ADD3: variants seen among roughly 807,000 people sequenced by gnomAD.
ADD3 encodes the protein gamma-adducin.
A neutral mutation model predicts 80.2 loss-of-function variants in ADD3; 25 were observed. The observed-to-expected ratio is 0.31, with a 90% confidence interval of 0.23 to 0.44. The LOEUF (loss-of-function observed/expected upper bound fraction) is 0.44. Ranked by LOEUF, ADD3 falls within the 20% of genes least tolerant of loss-of-function variation. The pLI is 1.00. For missense variants in ADD3, 829 were observed against 847.5 expected (o/e 0.98, Z 0.27); for synonymous variants, 284 against 289.6 (o/e 0.98, Z 0.20).
At chr10:110,044,212 A>G (rs1856674511) in intron 1 of ADD3, among the ~76,000 whole-genome samples, 1 of 152,188 alleles carries the variant, frequency 6.6e-6, no homozygotes. Flanking sequence ...AAAAAACAGA[A>G]AACAAAATTC....
At chr10:110,096,736 G>C (rs561670586) in intron 1 of ADD3, among the ~76,000 whole-genome samples, 1 of 152,222 alleles carries the variant, frequency 6.6e-6, no homozygotes, top group South Asian at 2.1e-4. Flanking sequence ...TTTAGTCAAA[G>C]CAAATCACAA....
chr10:110,077,132 T>G (rs1845462914), intron 1 of ADD3: 1 of 152,244 alleles, frequency 6.6e-6, no homozygotes, highest in South Asian at 2.1e-4. Flanking sequence ...AGTAATGGAT[T>G]GTCTATTGTA....
At chr10:110,053,597 C>G (rs887237931) in intron 1 of ADD3, among the ~76,000 whole-genome samples, 2 of 151,900 alleles carry the variant, frequency 1.3e-5, no homozygotes, top group African/African-American at 4.8e-5. Flanking sequence ...TGCTTTTGTT[C>G]ATTTTTTTAA....
chr10:110,012,764 TTTTC>T (rs1852474588), intron 1 of ADD3, among the ~76,000 whole-genome samples: 1 of 152,272 alleles, frequency 6.6e-6, no homozygotes, highest in South Asian at 2.1e-4. Flanking sequence ...TCTTTTTTTT[TTTTC>T]TTCTTTTGTA....
At chr10:110,014,231 G>A (rs1004243485) in intron 1 of ADD3, among the ~76,000 whole-genome samples, 1 of 152,164 alleles carries the variant, frequency 6.6e-6, no homozygotes, top group Non-Finnish European at 1.5e-5. Flanking sequence ...TAGCTGCATC[G>A]TGACTTCTGT....
At chr10:110,048,209 C>T (rs1387755394) in intron 1 of ADD3, among the ~76,000 whole-genome samples, 2 of 152,208 alleles carry the variant, frequency 1.3e-5, no homozygotes, top group South Asian at 2.1e-4. Context: ...TCCCCTTCCA[C>T]CATGATTGTG....
At chr10:110,028,881 C>CTTTT (rs755564434) in intron 1 of ADD3, among the ~76,000 whole-genome samples, 4 of 140,322 alleles carry the variant, frequency 2.9e-5, no homozygotes, top group African/African-American at 1.0e-4. Flanking sequence ...CATCACTTTC[C>CTTTT]TTTTTTTTTT....
At chr10:110,074,944 C>T (rs1003639376) in intron 1 of ADD3, among the ~76,000 whole-genome samples, 8 of 152,172 alleles carry the variant, frequency 5.3e-5, no homozygotes, top group African/African-American at 1.9e-4. Flanking sequence ...AAGATTGGAT[C>T]TGTAAATTTA....
chr10:110,056,051 G>A lies in ADD3; in HGVS notation c.-29-44574G>A, dbSNP rs28628408. ...ATATGTATGAGTTTGTGACCTGAAG[G>A]CTGTTGTATTGCAAGCAGATTTTTA... On this transcript the variant is annotated intron_variant, in intron 1 of 14. Coordinates refer to ENST00000356080, the MANE Select transcript of ADD3 (RefSeq NM_016824.5). Among the ~76,000 whole-genome samples, 713 of 152,258 alleles carry A rather than the reference G, an allele frequency of 4.7e-3. 10 individuals are homozygous for A. The highest frequency in any genetic ancestry group is 0.016 in the African/African-American group (659 of 41,554).
chr10:110,005,343 AGCCACCAC>A (rs1208142264), upstream of ADD3, among the ~76,000 whole-genome samples: 2 of 151,476 alleles, frequency 1.3e-5, no homozygotes, highest in African/African-American at 4.9e-5. Context: ...TACAGGCGTG[AGCCACCAC>A]GCCCGGCAAT....
intron 8 of ADD3, among the ~76,000 whole-genome samples, chr10:110,120,626 C>T (rs1232840591): frequency 6.6e-6 from 1 of 152,052 alleles, no homozygotes; most frequent in East Asian, 1.9e-4. Context: ...ATTTCTAGTT[C>T]AAGATCCCTG....
At chr10:110,109,565 T>C (rs1355457432) in intron 2 of ADD3, among the ~76,000 whole-genome samples, 9 of 152,208 alleles carry the variant, frequency 5.9e-5, no homozygotes, top group Non-Finnish European at 1.3e-4. Context: ...TAATGAGTGA[T>C]ACACATAGTA....
chr10:110,102,928 T>C (rs1401862338), intron 2 of ADD3, among the ~76,000 whole-genome samples: 1 of 152,234 alleles, frequency 6.6e-6, no homozygotes, highest in East Asian at 1.9e-4. Flanking sequence ...ACTTATGCCT[T>C]GGGGAACTTA....
chr10:110,040,397 A>G (rs1019720810), intron 1 of ADD3, among the ~76,000 whole-genome samples: 1 of 152,238 alleles, frequency 6.6e-6, no homozygotes, highest in Non-Finnish European at 1.5e-5. Context: ...TGACACTGGC[A>G]GGATCACACA....
At chr10:110,092,068 T>C (rs1314729118) in intron 1 of ADD3, among the ~76,000 whole-genome samples, 2 of 152,174 alleles carry the variant, frequency 1.3e-5, no homozygotes, top group African/African-American at 4.8e-5. Flanking sequence ...ATGACTGTTA[T>C]TAAAATGTCA....
At chr10:110,065,701 G>A (rs1377082547) in intron 1 of ADD3, among the ~76,000 whole-genome samples, 6 of 150,764 alleles carry the variant, frequency 4.0e-5, no homozygotes, top group Non-Finnish European at 4.4e-5. Context: ...CACCATGCCC[G>A]GCTAGTTTTT....
intron 1 of ADD3, among the ~76,000 whole-genome samples, chr10:110,018,867 T>G (rs997148342): frequency 6.6e-6 from 1 of 152,170 alleles, no homozygotes; most frequent in African/African-American, 2.4e-5. Flanking sequence ...GGTGGTCACA[T>G]GTAGACTTTT....
At position 110,130,478 on chromosome 10, in the gene ADD3, G is replaced by A. The variant is rs753650669; in HGVS notation, c.1724G>A (p.Gly575Asp). The A allele has an allele frequency of 1.2e-6, 2 of 1,613,314 alleles. No individual in the cohort carries two copies. Among genetic ancestry groups the A allele is most frequent in the South Asian group, 1.1e-5 (1 of 90,894 alleles). The change falls in exon 13 of 15, where the codon GGC becomes GAC. Residue 575 changes from glycine to aspartate, a missense_variant. Coordinates refer to ENST00000356080, the MANE Select transcript of ADD3 (RefSeq NM_016824.5). ...AGGACAATCGAACGTAAACAACAAG[G>A]CCTAGAAGGTTAGTTAATCTTTACA... ...YKRTIERKQQ[G>D]LEDAEQELLS...
intron 1 of ADD3, among the ~76,000 whole-genome samples, chr10:110,063,196 T>C (rs533204517): frequency 7.9e-5 from 12 of 152,284 alleles, no homozygotes; most frequent in African/African-American, 2.6e-4. Context: ...GAGCTGAAGA[T>C]GGGAGAAGCT....
Sources: gnomAD v4.1 joint callset for allele counts (sites outside exome capture counted in the v4.1 genomes callset) on GRCh38, gnomAD v4.1.1 for gene constraint, MANE v1.5 for transcripts, NCBI Gene and HGNC (gene_info 2026-07-23, HGNC 2026-07-21) for gene names.